Variants in RFX8 observed in about 807,000 individuals in gnomAD.
RFX8 encodes DNA-binding protein RFX8.
A neutral mutation model predicts 54.6 loss-of-function variants in RFX8; 46 were observed. The observed-to-expected ratio is 0.84, with a 90% CI of 0.67 to 1.08. The LOEUF (loss-of-function observed/expected upper bound fraction) is 1.08. Among genes scored for constraint, RFX8 ranks in the 50% least tolerant of loss-of-function variants. The probability of loss-of-function intolerance (pLI) is 0.00; values close to 1 mark genes in which losing one functional copy is unlikely to be tolerated. For missense variants in RFX8, 536 were observed against 562.3 expected, an observed-to-expected ratio of 0.95 and a Z score of 0.47; for synonymous variants, 192 against 209.5, an observed-to-expected ratio of 0.92 and a Z score of 0.72.
At chr2:101,427,897 G>A (rs1036823292) in intron 2 of RFX8, among the ~76,000 whole-genome samples, 4 of 152,144 alleles carry the variant, frequency 2.6e-5, no homozygotes, top group Admixed American at 6.5e-5. Flanking sequence ...CACTAAACAC[G>A]TTTATAAAAG....
Position 101,402,477 on chromosome 2 carries a change from T to C in RFX8, c.1204A>G (p.Arg402Gly). 1 of 1,551,476 alleles carries C rather than the reference T, an allele frequency of 6.4e-7. No individual in the cohort carries two copies. The highest frequency in any genetic ancestry group is 8.7e-7 in the Non-Finnish European group (1 of 1,146,746). The change falls in exon 11 of 12, where the codon AGG (arginine) becomes GGG (glycine). Residue 402 changes from arginine (R) to glycine (G), a missense_variant. Coordinates refer to ENST00000428343, the MANE Select transcript of RFX8 (RefSeq NM_001145664.2). The stretch of plus-strand genomic sequence containing the variant: ...GTGTCCACCAGGAAGCCCAGGATCC[T>C]GAGGACCATGTTGCTCACACCCACG... ...YPVGVSNMVL[R>G]ILGFLVDTAM...
At chr2:101,415,901 G>T (rs964318395) in intron 6 of RFX8, among the ~76,000 whole-genome samples, 1 of 152,236 alleles carries the variant, frequency 6.6e-6, no homozygotes, top group Admixed American at 6.5e-5. Context: ...GGGCTTTGAC[G>T]CATAGGTAGG....
intron 11 of RFX8, among the ~76,000 whole-genome samples, chr2:101,401,259 CTGTTT>C (rs534901932): frequency 3.2e-4 from 48 of 152,128 alleles, no homozygotes; most frequent in African/African-American, 4.6e-4. Flanking sequence ...TCCCCGGCTC[CTGTTT>C]TGTTTTGTTT....
chr2:101,432,893 A>G (rs1025271741), intron 2 of RFX8, among the ~76,000 whole-genome samples: 9 of 152,182 alleles, frequency 5.9e-5, no homozygotes, highest in African/African-American at 2.2e-4. Flanking sequence ...ATGACACAGG[A>G]GTGACTCCCA....
Position 101,410,391 on chromosome 2 carries a change from TCACACA to T in RFX8, c.813+222_813+227del, listed in dbSNP as rs5832965. Among the ~76,000 whole-genome samples, 720 of 119,608 alleles carry T rather than the reference TCACACA, an allele frequency of 6.0e-3. 8 individuals are homozygous for T. The highest frequency in any genetic ancestry group is 0.02 in the African/African-American group (684 of 34,944). 78.5% of individuals were successfully genotyped at this position (119,608 alleles called of 152,430 possible). ...CACACACCCAAACATATGCCCACACTCACACACACACACACACACACACACACTTAT... is the reference window on the plus strand; with the variant it reads ...CACACACCCAAACATATGCCCACACTCACACACACACACACACACACTTAT... On this transcript the variant is annotated intron_variant, in intron 9 of 11. Coordinates refer to ENST00000428343, the MANE Select transcript of RFX8 (RefSeq NM_001145664.2).
chr2:101,400,069 A>G (rs763712645), intron 11 of RFX8, among the ~76,000 whole-genome samples: 105 of 152,156 alleles, frequency 6.9e-4, no homozygotes, highest in Admixed American at 2.0e-3. Flanking sequence ...GATAACACCT[A>G]TTTCATTGAG....
At chr2:101,462,678 C>T (rs571876228) in intron 2 of RFX8, among the ~76,000 whole-genome samples, 1 of 115,192 alleles carries the variant, frequency 8.7e-6, no homozygotes, top group South Asian at 3.1e-4. Flanking sequence ...ATTAATATTA[C>T]TATTATTAAT....
intron 2 of RFX8, among the ~76,000 whole-genome samples, chr2:101,429,331 T>C (rs1231936260): frequency 2.0e-5 from 3 of 152,212 alleles, no homozygotes; most frequent in Non-Finnish European, 4.4e-5. Context: ...GAATTCTTAT[T>C]ACTTTTTTAT....
At chr2:101,403,015 T>C (rs1166721150) in intron 10 of RFX8, among the ~76,000 whole-genome samples, 2 of 152,104 alleles carry the variant, frequency 1.3e-5, no homozygotes, top group African/African-American at 4.8e-5. Flanking sequence ...CGGTGTGAGA[T>C]GGGAGAAAAG....
Position 101,466,907 on chromosome 2 carries a change from G to T in RFX8, c.-52-7C>A. ...GCAGAAGTTGTCGACCAACCTGGAG[G>T]AGAGGAGGACAAGGAGGAGGAAATT... On this transcript the variant is annotated splice_polypyrimidine_tract_variant and splice_region_variant and intron_variant, in intron 1 of 11. Transcript: ENST00000428343. The T allele has an allele frequency of 7.9e-7, 1 of 1,266,804 alleles. No individual in the cohort carries two copies. The highest frequency in any genetic ancestry group is 1.1e-6 in the Non-Finnish European group (1 of 887,890). The allele number at this position is 1,266,804 out of a possible 1,614,324, so 78.5% of individuals were successfully genotyped here.
At chr2:101,418,715 C>T in intron 5 of RFX8, 136 bp downstream of exon 5, 2 of 669,992 alleles carry the variant, frequency 3.0e-6, no homozygotes, top group Non-Finnish European at 5.5e-6. Context: ...TCAGAGGGCT[C>T]CTGGTCCATA....
At chr2:101,444,511 T>G (rs774316424) in intron 2 of RFX8, among the ~76,000 whole-genome samples, 2 of 152,178 alleles carry the variant, frequency 1.3e-5, no homozygotes, top group Non-Finnish European at 2.9e-5. Context: ...ACCATTTGAA[T>G]GAGAAAAGAC....
intron 2 of RFX8, among the ~76,000 whole-genome samples, chr2:101,449,696 G>T (rs1439186820): frequency 1.3e-5 from 2 of 152,164 alleles, no homozygotes; most frequent in African/African-American, 4.8e-5. Context: ...TGCCTAGGAG[G>T]TGGGCAAGGT....
chr2:101,449,448 T>A (rs2148969605), intron 2 of RFX8, among the ~76,000 whole-genome samples: 1 of 152,000 alleles, frequency 6.6e-6, no homozygotes, highest in Admixed American at 6.6e-5. Context: ...CCAAAAAGAG[T>A]GAGTTCAGGA....
At chr2:101,440,966 ATTTTTT>A (rs70946645) in intron 2 of RFX8, among the ~76,000 whole-genome samples, 1 of 113,456 alleles carries the variant, frequency 8.8e-6, no homozygotes, top group Non-Finnish European at 1.8e-5. Flanking sequence ...CCATGTTGAA[ATTTTTT>A]TTTTTTTTTT....
Position 101,417,555 on chromosome 2 carries a change from A to C in RFX8, c.481T>G (p.Leu161Val), listed in dbSNP as rs111964641. ...LNALEGVPAL[L>V]QISKLKEVTL... ...CTACCTTTGAGTTTGGAGATCTGCAAGAGGGCTGGAACACCTTCCAAAGCA... is the reference window on the plus strand; with the variant it reads ...CTACCTTTGAGTTTGGAGATCTGCACGAGGGCTGGAACACCTTCCAAAGCA... Residue 161 changes from leucine (L) to valine (V), a missense_variant, in exon 6 of 12, where the codon TTG becomes GTG. Physicochemically the swap from Leu to Val is conservative, Grantham distance 32. Coordinates refer to ENST00000428343, the MANE Select transcript of RFX8 (RefSeq NM_001145664.2). The C allele has an allele frequency of 4.8e-3, 7,472 of 1,549,428 alleles. 36 individuals carry two copies. The highest frequency in any genetic ancestry group is 5.8e-3 in the Middle Eastern group (35 of 5,984).
intron 7 of RFX8, among the ~76,000 whole-genome samples, chr2:101,414,541 C>T (rs776916227): frequency 4.6e-5 from 7 of 151,990 alleles, no homozygotes; most frequent in Non-Finnish European, 8.8e-5. Context: ...TCCAAAGTGC[C>T]GCGATTACAG....
At chr2:101,474,180 T>A (rs763961035) in intron 1 of RFX8, 1 of 584,806 alleles carries the variant, frequency 1.7e-6, no homozygotes, top group South Asian at 1.7e-5. Flanking sequence ...CATCCCAGCG[T>A]CCCAGGCGCC....
rs1274514938 is a variant in RFX8, at chr2:101,397,542, A to G, written c.*6T>C. 4 of 1,512,806 alleles carry G rather than the reference A, an allele frequency of 2.6e-6. No homozygotes were observed. Among genetic ancestry groups the G allele is most frequent in the Non-Finnish European group, 3.6e-6 (4 of 1,124,938 alleles). 93.7% of individuals were successfully genotyped at this position (1,512,806 alleles called of 1,614,324 possible). A position where few individuals can be genotyped will look rare whatever the true frequency, so the allele number is the denominator to read the frequency against. The stretch of plus-strand genomic sequence containing the variant: ...GTTTTCTTATTCTCTATTCAAATAA[A>G]TAATCTCACACATTAGCATTGTTTT... On this transcript the variant is annotated 3_prime_UTR_variant, in exon 12 of 12. Transcript: ENST00000428343.
Sources: allele counts gnomAD v4.1 joint callset (sites outside exome capture counted in the v4.1 genomes callset), GRCh38; gene constraint gnomAD v4.1.1; transcripts MANE v1.5; gene names NCBI Gene and HGNC (gene_info 2026-07-23, HGNC 2026-07-21).